Variants in TGM7 observed in about 807,000 individuals in gnomAD.
TGM7 encodes the protein transglutaminase 7, also known as protein-glutamine gamma-glutamyltransferase Z.
A neutral mutation model predicts 79.5 loss-of-function variants in TGM7; 74 were observed. The observed-to-expected ratio is 0.93, with a 90% CI of 0.77 to 1.13. The LOEUF (loss-of-function observed/expected upper bound fraction) is 1.13. Ranked by LOEUF, TGM7 falls within the 50% of genes most tolerant of loss-of-function variation. TGM7 has a pLI of 0.00. For missense variants in TGM7, 912 were observed against 905.9 expected (o/e 1.01, Z -0.09); for synonymous variants, 354 against 362.5 (o/e 0.98, Z 0.27).
chr15:43,302,020 C>T (rs1487389235), intron 1 of TGM7: 3 of 599,414 alleles, frequency 5.0e-6, no homozygotes, highest in Admixed American at 2.8e-5. Context: ...AAAGAAAAGG[C>T]TGTTCACAGC....
chr15:43,298,659 A>G (rs959224386), intron 1 of TGM7, among the ~76,000 whole-genome samples: 3 of 152,150 alleles, frequency 2.0e-5, no homozygotes, highest in African/African-American at 7.2e-5. Context: ...AGGCTGAGGC[A>G]GAAGAATTGC....
At chr15:43,284,331 G>A (rs2042924158) in intron 7 of TGM7, among the ~76,000 whole-genome samples, 1 of 124,536 alleles carries the variant, frequency 8.0e-6, no homozygotes, top group East Asian at 2.2e-4. Flanking sequence ...CAAATAAAGG[G>A]ATGCACAGAG....
Position 43,292,117 on chromosome 15 carries a change from G to A in TGM7, c.440-20C>T, listed in dbSNP as rs1480001851. The A allele has an allele frequency of 3.2e-6, 5 of 1,576,742 alleles. No homozygotes were observed. The highest frequency in any genetic ancestry group is 4.4e-6 in the Non-Finnish European group (5 of 1,147,646). On this transcript the variant is annotated intron_variant, in intron 3 of 12. Transcript: ENST00000452443. ...CGTCCTCTGAGCAGTTAAGAGTAGT[G>A]GAGGGGGCAAAACCCCAAACCAAAA...
Position 43,279,221 on chromosome 15 carries a change from C to T in TGM7, c.1735G>A (p.Glu579Lys), listed in dbSNP as rs376735656. The change falls in exon 11 of 13, where the codon GAA (glutamate) becomes AAA (lysine). Residue 579 changes from glutamate (E) to lysine (K), a missense_variant. Physicochemically the swap from Glu to Lys is moderately conservative, Grantham distance 56 (BLOSUM62 1). Transcript: ENST00000452443. ...YSNYRNKLTD[E>K]KLIRVSGIAE... The stretch of plus-strand genomic sequence containing the variant: ...ATGCCAGACACGCGGATGAGCTTTT[C>T]GTCCGTTAGCTTGTTTCTGTAATTG... 22 of 1,614,124 alleles carry T rather than the reference C, an allele frequency of 1.4e-5. No homozygotes were observed. The highest frequency in any genetic ancestry group is 1.2e-4 in the South Asian group (11 of 91,070).
At chr15:43,277,794 C>G (rs948091532) in intron 11 of TGM7, among the ~76,000 whole-genome samples, 2 of 152,148 alleles carry the variant, frequency 1.3e-5, no homozygotes, top group Admixed American at 6.5e-5. Context: ...CTGGCTGGGC[C>G]AGAGACTCAA....
At position 43,293,609 on chromosome 15, in the gene TGM7, A is replaced by T; in HGVS notation, c.33T>A (p.Ser11=). The part of the protein sequence containing the change: MDQVATLRLE[S]VDLQSSRNNK... ...TGTTCCTGGAGCTCTGCAGGTCGAC[A>T]GACTCAAGCCGCAAGGTTGCCACTA... Residue 11 remains serine (S), a synonymous_variant, in exon 2 of 13, where the codon TCT becomes TCA. Transcript: ENST00000452443. The T allele has an allele frequency of 6.2e-6, 10 of 1,607,622 alleles. No individual in the cohort carries two copies. The highest frequency in any genetic ancestry group is 6.8e-6 in the Non-Finnish European group (8 of 1,178,406).
intron 9 of TGM7, 149 bp from the exon 10 acceptor site, chr15:43,280,100 C>T: frequency 1.5e-6 from 1 of 664,070 alleles, no homozygotes; most frequent in African/African-American, 1.8e-5. Context: ...TGCTCTGTCA[C>T]AGTCCTTTAA....
Position 43,293,526 on chromosome 15 carries a change from T to C in TGM7, c.116A>G (p.Gln39Arg), listed in dbSNP as rs779036448. ...GAAGCTCAGCCGGAGGTAGAAGGGCTGGCCGCGGCGCACAGTGAGCCGCTT... is the reference window on the plus strand; with the variant it reads ...GAAGCTCAGCCGGAGGTAGAAGGGCCGGCCGCGGCGCACAGTGAGCCGCTT... The part of the protein sequence containing the change: ...GVKRLTVRRG[Q>R]PFYLRLSFSR... Residue 39 changes from glutamine (Q) to arginine (R), a missense_variant, in exon 2 of 13, where the codon CAG becomes CGG. Transcript: ENST00000452443. 3.1e-6 allele frequency: 5 copies of C among 1,611,812 alleles called. No homozygotes were observed. In the South Asian group the frequency reaches 5.5e-5, roughly 18 times the overall value.
chr15:43,292,761 A>T lies in TGM7; in HGVS notation c.387T>A (p.Ser129Arg). ...KIEISQGQGH[S>R]VTYPLGTFIL... is the part of the protein sequence containing the mutation. Reference sequence around the variant, plus strand: ...TGAAAGTTCCCAGCGGGTAAGTCACACTGTGACCTTGGCCCTGAGAGATCT... The same window carrying T: ...TGAAAGTTCCCAGCGGGTAAGTCACTCTGTGACCTTGGCCCTGAGAGATCT... The change falls in exon 3 of 13, where the codon AGT (serine) becomes AGA (arginine). Residue 129 changes from serine to arginine, a missense_variant. Ser to Arg is a moderately radical substitution (Grantham distance 110). Coordinates refer to ENST00000452443, the MANE Select transcript of TGM7 (RefSeq NM_052955.3). 6.2e-7 allele frequency: 1 copy of T among 1,614,178 alleles called. No homozygotes were observed. Among genetic ancestry groups the T allele is most frequent in the Non-Finnish European group, 8.5e-7 (1 of 1,180,034 alleles).
In TGM7 at chr15:43,282,537, G is replaced by A. The variant is rs765579445; in HGVS notation, c.1088C>T (p.Thr363Ile). The A allele has an allele frequency of 6.3e-7, 1 of 1,595,186 alleles. No homozygotes were observed. The highest frequency in any genetic ancestry group is 8.5e-7 in the Non-Finnish European group (1 of 1,170,044). The change falls in exon 8 of 13, where the codon ACT (threonine) becomes ATT (isoleucine). Residue 363 changes from threonine to isoleucine, a missense_variant. Coordinates refer to ENST00000452443, the MANE Select transcript of TGM7 (RefSeq NM_052955.3). Reference sequence around the variant, plus strand: ...CTCACCACTGCTGGTCTGCTGGGGAGTGGGGTCCAGAACCTGCCACCCGTT... The same window carrying A: ...CTCACCACTGCTGGTCTGCTGGGGAATGGGGTCCAGAACCTGCCACCCGTT... Reference protein sequence around the residue: ...GYNGWQVLDPTPQQTSSGLFC... With the variant: ...GYNGWQVLDPIPQQTSSGLFC...
chr15:43,281,301 C>T (rs958833311), intron 9 of TGM7, among the ~76,000 whole-genome samples: 2 of 152,238 alleles, frequency 1.3e-5, no homozygotes, highest in Non-Finnish European at 2.9e-5. Flanking sequence ...TCCACACATG[C>T]GCCCTCCGTG....
At position 43,293,534 on chromosome 15, in the gene TGM7, G is replaced by A. The variant is rs1464343792; in HGVS notation, c.108C>T (p.Arg36=). The change falls in exon 2 of 13, where the codon CGC becomes CGT. Residue 36 remains arginine, a synonymous_variant. Coordinates refer to ENST00000452443, the MANE Select transcript of TGM7 (RefSeq NM_052955.3). ...QEMGVKRLTV[R]RGQPFYLRLS... is the part of the protein sequence containing the mutation. Reference sequence around the variant, plus strand: ...GCCGGAGGTAGAAGGGCTGGCCGCGGCGCACAGTGAGCCGCTTGACGCCCA... The same window carrying A: ...GCCGGAGGTAGAAGGGCTGGCCGCGACGCACAGTGAGCCGCTTGACGCCCA... The A allele has an allele frequency of 6.2e-7, 1 of 1,609,564 alleles. No homozygotes were observed. The highest frequency in any genetic ancestry group is 8.5e-7 in the Non-Finnish European group (1 of 1,178,416).
At position 43,302,245 on chromosome 15, in the gene TGM7, A is replaced by G; in HGVS notation, c.6T>C (p.Asp2=). Reference sequence around the variant, plus strand: ...AAGTCGATTCCCAGTACTCACCCTGATCCATCTCCCTCCTTCTCCTGTCGG... The same window carrying G: ...AAGTCGATTCCCAGTACTCACCCTGGTCCATCTCCCTCCTTCTCCTGTCGG... M[D]QVATLRLESV... The change falls in exon 1 of 13, where the codon GAT becomes GAC. Residue 2 remains aspartate, a synonymous_variant. Transcript: ENST00000452443. The G allele has an allele frequency of 6.2e-7, 1 of 1,614,110 alleles. No individual in the cohort carries two copies. Among genetic ancestry groups the G allele is most frequent in the Non-Finnish European group, 8.5e-7 (1 of 1,180,018 alleles).
At chr15:43,277,886 T>A (rs2042885915) in intron 11 of TGM7, among the ~76,000 whole-genome samples, 2 of 152,218 alleles carry the variant, frequency 1.3e-5, no homozygotes, top group South Asian at 2.1e-4. Context: ...GGTGTCAAAG[T>A]AGAACAGGTT....
rs540274709 is a variant in TGM7, at chr15:43,296,350, G to A, written c.11-2719C>T. On this transcript the variant is annotated intron_variant, in intron 1 of 12. Transcript: ENST00000452443. ...TGAGGCAGGAGAATGGCGTGAACCC[G>A]GGAGGCAGAGGTTGCAGTGAGCCGA... is the stretch of plus-strand genomic sequence containing the variant. Among the ~76,000 whole-genome samples the A allele has an allele frequency of 2.5e-3, 375 of 151,328 alleles. 2 individuals carry two copies. Among genetic ancestry groups the A allele is most frequent in the African/African-American group, 8.6e-3 (353 of 41,204 alleles).
Position 43,292,861 on chromosome 15 carries a change from A to G in TGM7, c.287T>C (p.Ile96Thr), listed in dbSNP as rs766023118. The G allele has an allele frequency of 6.2e-6, 10 of 1,613,956 alleles. No homozygotes were observed. The highest frequency in any genetic ancestry group is 5.0e-5 in the Admixed American group (3 of 60,000). Reference sequence around the variant, plus strand: ...GGAAACTTGGAGAGAGTTGGAGTCAATGGTGAAATCAGAAGCGCTCCAGAC... The same window carrying G: ...GGAAACTTGGAGAGAGTTGGAGTCAGTGGTGAAATCAGAAGCGCTCCAGAC... ...GNVWSASDFT[I>T]DSNSLQVSLF... Residue 96 changes from isoleucine to threonine, a missense_variant, in exon 3 of 13, where the codon ATT (isoleucine) becomes ACT (threonine). Ile to Thr is a moderately conservative substitution (Grantham distance 89, BLOSUM62 -1). Transcript: ENST00000452443.
intron 1 of TGM7, among the ~76,000 whole-genome samples, chr15:43,300,849 T>C (rs2043022064): frequency 6.6e-6 from 1 of 152,162 alleles, no homozygotes; most frequent in Admixed American, 6.5e-5. Flanking sequence ...CTTATTCTAG[T>C]TGGTGATAGC....
chr15:43,291,953 A>G (rs764191946), intron 4 of TGM7, 26 bp downstream of exon 4: 46 of 1,576,818 alleles, frequency 2.9e-5, no homozygotes, highest in Non-Finnish European at 3.8e-5. Flanking sequence ...AGCCCACCCC[A>G]GGCCCACATT....
At chr15:43,301,069 C>T (rs935419695) in intron 1 of TGM7, among the ~76,000 whole-genome samples, 3 of 151,870 alleles carry the variant, frequency 2.0e-5, no homozygotes, top group East Asian at 2.0e-4. Context: ...GCAGCTTTGA[C>T]CCCCCCAGGC....
Sources: gnomAD v4.1 joint callset for allele counts (sites outside exome capture counted in the v4.1 genomes callset) on GRCh38, gnomAD v4.1.1 for gene constraint, MANE v1.5 for transcripts, NCBI Gene and HGNC (gene_info 2026-07-23, HGNC 2026-07-21) for gene names.